The following RBFOX1 variants were observed in gnomAD, a reference collection of about 807,000 sequenced individuals.
RBFOX1 encodes RNA binding protein fox-1 homolog 1.
In RBFOX1, 8 loss-of-function variants were observed where a neutral mutation model predicts 57.7. The ratio of observed to expected loss-of-function variants is 0.14; its 90% CI spans 0.08 to 0.25. The LOEUF (loss-of-function observed/expected upper bound fraction) is 0.25, where lower values mean the gene tolerates loss of function less well. RBFOX1 is among the 10% of genes least tolerant of loss of function. The pLI is 1.00. For synonymous variants in RBFOX1, 326 were observed against 222.4 expected (o/e 1.47, Z -4.15); for missense variants, 611 against 548.5 (o/e 1.11, Z -1.14).
At chr16:6,047,329 G>C (rs1411256438) in intron 1 of RBFOX1, among the ~76,000 whole-genome samples, 1 of 152,208 alleles carries the variant, frequency 6.6e-6, no homozygotes, top group Non-Finnish European at 1.5e-5. Flanking sequence ...TCCTGGGCAG[G>C]ATGCCGTGCA....
intron 3 of RBFOX1, among the ~76,000 whole-genome samples, chr16:6,816,277 C>A (rs116608302): frequency 6.6e-6 from 1 of 152,120 alleles, no homozygotes; most frequent in African/African-American, 2.4e-5. Context: ...CTATTGCACT[C>A]GCACTTGAGC....
At chr16:5,641,761 T>A (rs1475577505) in intron 3 of RBFOX1, among the ~76,000 whole-genome samples, 4 of 152,250 alleles carry the variant, frequency 2.6e-5, no homozygotes, top group South Asian at 4.2e-4. Context: ...GGGGGTCAGT[T>A]CTTGGAGAGC....
Position 7,123,901 on chromosome 16 carries a change from T to G in RBFOX1, c.27+71803T>G, listed in dbSNP as rs78476198. Among the ~76,000 whole-genome samples the G allele has an allele frequency of 5.8e-3, 879 of 152,278 alleles. 4 individuals carry two copies. Among genetic ancestry groups the G allele is most frequent in the African/African-American group, 0.02 (833 of 41,552 alleles). ...TTTAAGAACATGCCACAGTCTGCAG[T>G]GGAGAAGAGAAAGGAGAGAGGGAAA... On this transcript the variant is annotated intron_variant, in intron 4 of 15. Coordinates refer to ENST00000550418, the MANE Select transcript of RBFOX1 (RefSeq NM_018723.4).
chr16:6,588,249 G>A (rs2097659039), intron 2 of RBFOX1, among the ~76,000 whole-genome samples: 1 of 151,688 alleles, frequency 6.6e-6, no homozygotes, highest in Non-Finnish European at 1.5e-5. Context: ...AAAAAGAAAG[G>A]CAGTTTTGCT....
chr16:6,961,272 C>T (rs1435700524), intron 3 of RBFOX1, among the ~76,000 whole-genome samples: 1 of 152,166 alleles, frequency 6.6e-6, no homozygotes, highest in Non-Finnish European at 1.5e-5. Context: ...GGGGAGACCC[C>T]ACCAGAGGAG....
At chr16:6,955,841 G>A (rs1598323026) in intron 3 of RBFOX1, among the ~76,000 whole-genome samples, 1 of 152,004 alleles carries the variant, frequency 6.6e-6, no homozygotes, top group Non-Finnish European at 1.5e-5. Context: ...GAGTTGCTGG[G>A]ATTATAGATG....
At chr16:5,610,519 C>A (rs115321379) in intron 3 of RBFOX1, 2 of 152,150 alleles carry the variant, frequency 1.3e-5, no homozygotes, top group Middle Eastern at 6.8e-3. Flanking sequence ...AACACCGCAA[C>A]GTACAAAGTT....
rs117715921 is a variant in RBFOX1, at chr16:6,225,191, C to T, written c.-126-91804C>T. 4.4e-4 allele frequency among the ~76,000 whole-genome samples: 66 copies of T among 151,064 alleles called. 3 individuals are homozygous for T. In the East Asian group the frequency reaches 0.011, roughly 24 times the overall value. On this transcript the variant is annotated intron_variant, in intron 1 of 15. Coordinates refer to ENST00000550418, the MANE Select transcript of RBFOX1 (RefSeq NM_018723.4). ...ATGGAAGGAATAACAGCTACAATCCCAATACGTGCTAACTGAACTGCTAAC... is the reference window on the plus strand; with the variant it reads ...ATGGAAGGAATAACAGCTACAATCCTAATACGTGCTAACTGAACTGCTAAC...
intron 2 of RBFOX1, among the ~76,000 whole-genome samples, chr16:6,646,858 A>G (rs1393176398): frequency 2.0e-5 from 3 of 152,120 alleles, no homozygotes; most frequent in African/African-American, 2.4e-5. Context: ...TCCGAAGTCA[A>G]GCAGAGACTT....
At chr16:7,448,821 G>C (rs933878297) in intron 4 of RBFOX1, among the ~76,000 whole-genome samples, 1 of 151,682 alleles carries the variant, frequency 6.6e-6, no homozygotes, top group Non-Finnish European at 1.5e-5. Flanking sequence ...ACCAGCCATT[G>C]GATTTAGGGC....
chr16:6,412,658 G>C (rs1052605227), intron 2 of RBFOX1, among the ~76,000 whole-genome samples: 2 of 152,166 alleles, frequency 1.3e-5, no homozygotes, highest in African/African-American at 2.4e-5. Context: ...ACTTTGATGT[G>C]CTCCATTTTA....
intron 2 of RBFOX1, among the ~76,000 whole-genome samples, chr16:6,533,075 G>A (rs1036311349): frequency 1.3e-5 from 2 of 152,136 alleles, no homozygotes; most frequent in Non-Finnish European, 2.9e-5. Flanking sequence ...AGCACACTTG[G>A]CATAGCCAGG....
At chr16:6,268,642 T>C (rs1385099586) in intron 1 of RBFOX1, among the ~76,000 whole-genome samples, 2 of 152,224 alleles carry the variant, frequency 1.3e-5, no homozygotes, top group Non-Finnish European at 2.9e-5. Flanking sequence ...CGAACAGTTA[T>C]TATATGCCAG....
At chr16:7,319,137 T>C (rs1409821381) in intron 4 of RBFOX1, among the ~76,000 whole-genome samples, 2 of 152,216 alleles carry the variant, frequency 1.3e-5, no homozygotes, top group Non-Finnish European at 2.9e-5. Context: ...TGTTCTATTT[T>C]GGTCCTAAAA....
chr16:6,904,353 C>T (rs542894311), intron 3 of RBFOX1, among the ~76,000 whole-genome samples: 2 of 152,054 alleles, frequency 1.3e-5, no homozygotes, highest in East Asian at 1.9e-4. Context: ...GTAATCCCAG[C>T]ACCTTGGAAG....
At chr16:6,197,964 G>T (rs541957435) in intron 1 of RBFOX1, among the ~76,000 whole-genome samples, 22 of 152,310 alleles carry the variant, frequency 1.4e-4, no homozygotes, top group African/African-American at 4.1e-4. Flanking sequence ...CCATGTTGCT[G>T]CAAAGGACAT....
At chr16:7,000,320 G>T (rs149946818) in intron 3 of RBFOX1, among the ~76,000 whole-genome samples, 186 of 152,070 alleles carry the variant, frequency 1.2e-3, no homozygotes, top group Non-Finnish European at 8.4e-4. Context: ...TGATCGATAT[G>T]TCTCAAATTA....
chr16:5,310,599 C>T (rs2064061063), intron 1 of RBFOX1, among the ~76,000 whole-genome samples: 1 of 152,154 alleles, frequency 6.6e-6, no homozygotes, highest in Non-Finnish European at 1.5e-5. Context: ...GCAGAGGCTA[C>T]ACCCACATAC....
intron 3 of RBFOX1, among the ~76,000 whole-genome samples, chr16:5,739,819 G>A (rs2052712442): frequency 6.6e-6 from 1 of 152,236 alleles, no homozygotes; most frequent in Non-Finnish European, 1.5e-5. Context: ...ATCTGCACGT[G>A]TCTGTCTGTG....
Sources: gnomAD v4.1 joint callset for allele counts (sites outside exome capture counted in the v4.1 genomes callset) on GRCh38, gnomAD v4.1.1 for gene constraint, MANE v1.5 for transcripts, NCBI Gene and HGNC (gene_info 2026-07-23, HGNC 2026-07-21) for gene names.